MS4A4E: variants seen among roughly 807,000 people sequenced by gnomAD.
The protein encoded by MS4A4E is putative membrane-spanning 4-domains subfamily A member 4E.
MS4A4E carries 23 observed loss-of-function variants against 13.3 expected under a neutral mutation model. The observed-to-expected ratio is 1.73, with a 90% CI of 1.25 to 2.45. The LOEUF (loss-of-function observed/expected upper bound fraction) is 2.45, where lower values mean the gene tolerates loss of function less well. Ranked by LOEUF, MS4A4E falls within the 30% of genes most tolerant of loss-of-function variation. MS4A4E has a pLI of 0.00. For synonymous variants in MS4A4E, 36 were observed against 45.6 expected, an observed-to-expected ratio of 0.79 and a Z score of 0.85; for missense variants, 144 against 131.2, an observed-to-expected ratio of 1.10 and a Z score of -0.48.
intron 1 of MS4A4E, among the ~76,000 whole-genome samples, chr11:60,235,052 G>A (rs1481465835): frequency 6.6e-6 from 1 of 152,162 alleles, no homozygotes; most frequent in Non-Finnish European, 1.5e-5. Flanking sequence ...TGTCAAAAGA[G>A]GCAAAGAAGG....
Position 60,201,250 on chromosome 11 carries a change from C to G in MS4A4E, c.*293G>C, listed in dbSNP as rs2083983807. The stretch of plus-strand genomic sequence containing the variant: ...GCTGGCCGGGCGGGGGGCTGACCCC[C>G]CCCACCTCCCTCCCGGATGGGGCAG... On this transcript the variant is annotated 3_prime_UTR_variant, in exon 9 of 9. Coordinates refer to ENST00000651255, the MANE Select transcript of MS4A4E (RefSeq NM_001393391.1). The G allele has an allele frequency of 6.5e-6, 1 of 154,166 alleles. No individual in the cohort carries two copies. Among genetic ancestry groups the G allele is most frequent in the Admixed American group, 6.7e-5 (1 of 15,032 alleles). 9.5% of individuals were successfully genotyped at this position (154,166 alleles called of 1,614,324 possible). A position where few individuals can be genotyped will look rare whatever the true frequency, so the allele number is the denominator to read the frequency against.
Position 60,201,563 on chromosome 11 carries a change from C to A in MS4A4E, c.976G>T (p.Ala326Ser), listed in dbSNP as rs543410624. 2 of 319,238 alleles carry A rather than the reference C, an allele frequency of 6.3e-6. No individual in the cohort carries two copies. The highest frequency in any genetic ancestry group is 1.3e-5 in the Non-Finnish European group (2 of 158,834). The allele number at this position is 319,238 out of a possible 1,614,324, so 19.8% of individuals were successfully genotyped here. Reference protein sequence around the residue: ...HPIWEVRSVSARPPIF With the variant: ...HPIWEVRSVSSRPPIF ...ACATCTCAGAAGATGGGCGGCCGGG[C>A]GGAGACACTCCTCACCTCCCAGATG... is the stretch of plus-strand genomic sequence containing the variant. The change falls in exon 9 of 9, where the codon GCC (alanine) becomes TCC (serine). Residue 326 changes from alanine to serine, a missense_variant. Physicochemically the swap from Ala to Ser is moderately conservative, Grantham distance 99. This residue lies in a region of MS4A4E where 21 missense variants were observed against 25.1 expected (regional missense o/e 0.84). Transcript: ENST00000651255.
rs578209353 is a variant in MS4A4E at position 60,214,484 on chromosome 11, A to T, written c.222+87T>A. 3 of 990,992 alleles carry T rather than the reference A, an allele frequency of 3.0e-6. No homozygotes were observed. The South Asian group carries it at 6.2e-5, about 20-fold the overall frequency. 61.4% of individuals were successfully genotyped at this position (990,992 alleles called of 1,614,324 possible). A position where few individuals can be genotyped will look rare whatever the true frequency, so the allele number is the denominator to read the frequency against. ...AGTTGCTCCTGACTTTTTTAAAAAC[A>T]AACAAACAAAACCTGTTTTATACCC... On this transcript the variant is annotated intron_variant, in intron 4 of 8. Coordinates refer to ENST00000651255, the MANE Select transcript of MS4A4E (RefSeq NM_001393391.1).
At chr11:60,218,678 C>T (rs2084227994) in intron 3 of MS4A4E, among the ~76,000 whole-genome samples, 1 of 152,172 alleles carries the variant, frequency 6.6e-6, no homozygotes, top group Non-Finnish European at 1.5e-5. Context: ...TTAGGACCCA[C>T]TCCCAAGGCC....
chr11:60,213,239 T>C, intron 4 of MS4A4E, 107 bp from the exon 5 acceptor site: 1 of 1,507,364 alleles, frequency 6.6e-7, no homozygotes, highest in South Asian at 1.2e-5. Flanking sequence ...AATAGTCTTC[T>C]AACTTGTCTC....
At chr11:60,217,411 C>A (rs997741741) in intron 3 of MS4A4E, among the ~76,000 whole-genome samples, 1 of 149,308 alleles carries the variant, frequency 6.7e-6, no homozygotes, top group African/African-American at 2.5e-5. Flanking sequence ...CTCTCAGGAG[C>A]CTTTTTTTTG....
chr11:60,241,912 C>T (rs2084557613), intron 1 of MS4A4E, among the ~76,000 whole-genome samples: 2 of 152,160 alleles, frequency 1.3e-5, no homozygotes, highest in Admixed American at 6.5e-5. Context: ...ACCTAGACCA[C>T]CCTTCCCTCT....
At chr11:60,239,262 T>G (rs1276911422) in intron 1 of MS4A4E, among the ~76,000 whole-genome samples, 1 of 152,202 alleles carries the variant, frequency 6.6e-6, no homozygotes, top group African/African-American at 2.4e-5. Context: ...GTAGAGAAAT[T>G]TAATGATGAA....
intron 3 of MS4A4E, among the ~76,000 whole-genome samples, chr11:60,218,713 T>A (rs376164752): frequency 7.6e-4 from 115 of 152,186 alleles, no homozygotes; most frequent in Middle Eastern, 6.8e-3. Flanking sequence ...GACCTATAAC[T>A]AAAGTCCCAG....
At chr11:60,228,710 A>G (rs2084373069) in intron 2 of MS4A4E, 83 bp from the exon 3 acceptor site, 1 of 668,360 alleles carries the variant, frequency 1.5e-6, no homozygotes, top group Admixed American at 2.2e-5. Flanking sequence ...AGGTGAATGC[A>G]TAAATAAACT....
At chr11:60,219,248 A>G (rs905204287) in intron 3 of MS4A4E, among the ~76,000 whole-genome samples, 1 of 152,238 alleles carries the variant, frequency 6.6e-6, no homozygotes, top group Non-Finnish European at 1.5e-5. Flanking sequence ...CAGATCTTAC[A>G]GTAGAAACTG....
At chr11:60,209,346 T>C (rs1156508282) in intron 5 of MS4A4E, among the ~76,000 whole-genome samples, 1 of 152,052 alleles carries the variant, frequency 6.6e-6, no homozygotes, top group African/African-American at 2.4e-5. Flanking sequence ...GATTTGAAGG[T>C]AGAGGATGGG....
chr11:60,201,560 G>C lies in MS4A4E; in HGVS notation c.979C>G (p.Arg327Gly), dbSNP rs4317176. ...PIWEVRSVSARPPIF is the reference protein window; with the variant it reads ...PIWEVRSVSAGPPIF ...CCCACATCTCAGAAGATGGGCGGCC[G>C]GGCGGAGACACTCCTCACCTCCCAG... Residue 327 changes from arginine (R) to glycine (G), a missense_variant, in exon 9 of 9, where the codon CGG (arginine) becomes GGG (glycine). Transcript: ENST00000651255. The C allele has an allele frequency of 3.2e-6, 1 of 311,818 alleles. No individual in the cohort carries two copies. Among genetic ancestry groups the C allele is most frequent in the Non-Finnish European group, 6.5e-6 (1 of 154,984 alleles). The allele number at this position is 311,818 out of a possible 1,614,324, so 19.3% of individuals were successfully genotyped here.
chr11:60,208,748 A>G (rs1301519298), intron 5 of MS4A4E, 54 bp from the exon 6 acceptor site: 24 of 760,428 alleles, frequency 3.2e-5, no homozygotes, highest in Non-Finnish European at 4.9e-5. Context: ...ACAAGTGAAA[A>G]CATTTCCCAG....
At chr11:60,229,839 A>T (rs1204979586) in intron 2 of MS4A4E, 73 bp downstream of exon 2, 104 of 1,455,326 alleles carry the variant, frequency 7.1e-5, no homozygotes, top group Non-Finnish European at 9.4e-5. Flanking sequence ...GGGACAGTGT[A>T]TTGGGCATTA....
At chr11:60,238,520 C>G (rs1228424722) in intron 1 of MS4A4E, among the ~76,000 whole-genome samples, 3 of 152,054 alleles carry the variant, frequency 2.0e-5, no homozygotes, top group Non-Finnish European at 4.4e-5. Flanking sequence ...TATGCTGCCT[C>G]TTTCATTCCT....
chr11:60,211,328 G>A (rs192934685), intron 5 of MS4A4E, among the ~76,000 whole-genome samples: 2 of 152,284 alleles, frequency 1.3e-5, no homozygotes, highest in Non-Finnish European at 2.9e-5. Context: ...ACTATAAAAA[G>A]CATTAGATAT....
In MS4A4E at chr11:60,207,650, C is replaced by T. The variant is rs188659839; in HGVS notation, c.483+943G>A. On this transcript the variant is annotated intron_variant, in intron 6 of 8. Coordinates refer to ENST00000651255, the MANE Select transcript of MS4A4E (RefSeq NM_001393391.1). ...ATTCTTTGGCTGACGGTTTTGTCTG[C>T]CTTTCAGACTTTGGGTAATGAAGCT... is the stretch of plus-strand genomic sequence containing the variant. Among the ~76,000 whole-genome samples the T allele has an allele frequency of 1.7e-3, 264 of 152,296 alleles. 1 individual carries two copies. The highest frequency in any genetic ancestry group is 5.8e-3 in the African/African-American group (242 of 41,560).
chr11:60,217,648 A>T (rs1375774564), intron 3 of MS4A4E, among the ~76,000 whole-genome samples: 1 of 152,168 alleles, frequency 6.6e-6, no homozygotes, highest in Non-Finnish European at 1.5e-5. Flanking sequence ...TCCCCAAATT[A>T]ATACTTTTAT....
Sources: gnomAD v4.1 joint callset for allele counts (sites outside exome capture counted in the v4.1 genomes callset) on GRCh38, gnomAD v4.1.1 for gene constraint, gnomAD v4.1.1 regional missense constraint, MANE v1.5 for transcripts, NCBI Gene and HGNC (gene_info 2026-07-23, HGNC 2026-07-21) for gene names.